TRPM3: variants seen among roughly 807,000 people sequenced by gnomAD.
The protein encoded by TRPM3 is transient receptor potential cation channel subfamily M member 3.
A neutral mutation model predicts 181.2 loss-of-function variants in TRPM3; 77 were observed. The ratio of observed to expected loss-of-function variants is 0.42; its 90% CI spans 0.35 to 0.51. The LOEUF is 0.51. Among genes scored for constraint, TRPM3 ranks in the 20% least tolerant of loss-of-function variants. The pLI, the probability that TRPM3 is intolerant of heterozygous loss-of-function variation, is 0.01. For missense variants in TRPM3, 1,759 were observed against 2,196.7 expected (o/e 0.80, Z 3.98); for synonymous variants, 745 against 796.4 (o/e 0.94, Z 1.09).
chr9:71,344,549 A>G (rs1314526826), intron 1 of TRPM3, among the ~76,000 whole-genome samples: 1 of 152,186 alleles, frequency 6.6e-6, no homozygotes, highest in Non-Finnish European at 1.5e-5. Flanking sequence ...TGACCTAAAA[A>G]TATCTCTCAC....
At chr9:71,280,469 C>G (rs530062688) in intron 1 of TRPM3, among the ~76,000 whole-genome samples, 1 of 151,838 alleles carries the variant, frequency 6.6e-6, no homozygotes, top group South Asian at 2.1e-4. Context: ...AAGTCAGCAC[C>G]CTTCCCCTTC....
Position 70,591,044 on chromosome 9 carries a change from C to G in TRPM3, c.3210G>C (p.Ala1070=). The change falls in exon 22 of 26, where the codon GCG becomes GCC. Residue 1070 remains alanine (A), a synonymous_variant. Coordinates refer to ENST00000677713, the MANE Select transcript of TRPM3 (RefSeq NM_001366145.2). Reference sequence around the variant, plus strand: ...AAACTTGCTTACGGTCTATCTGGTCCGCAAACACTTCCCCATAAATCATCC... The same window carrying G: ...AAACTTGCTTACGGTCTATCTGGTCGGCAAACACTTCCCCATAAATCATCC... ...PYWMIYGEVF[A]DQIDPPCGQN... is the part of the protein sequence containing the mutation. 2 of 1,614,110 alleles carry G rather than the reference C, an allele frequency of 1.2e-6. No individual in the cohort carries two copies. Among genetic ancestry groups the G allele is most frequent in the Non-Finnish European group, 1.7e-6 (2 of 1,180,022 alleles).
intron 22 of TRPM3, among the ~76,000 whole-genome samples, chr9:70,560,788 C>T (rs1358113681): frequency 6.6e-6 from 1 of 152,180 alleles, no homozygotes; most frequent in African/African-American, 2.4e-5. Context: ...TACGAGTACA[C>T]AGAACAGTTT....
At position 70,549,574 on chromosome 9, in the gene TRPM3, A is replaced by C; in HGVS notation, c.3675T>G (p.Ser1225=). The change falls in exon 25 of 26, where the codon TCT becomes TCG. Residue 1225 remains serine, a synonymous_variant. Coordinates refer to ENST00000677713, the MANE Select transcript of TRPM3 (RefSeq NM_001366145.2). ...AAGTCACCCGTATCCTCTCATCATT[A>C]GATGAGTTGAACCGATCATCCTTTT... is the stretch of plus-strand genomic sequence containing the variant. ...FREKDDRFNS[S]NDERIRVTSE... is the part of the protein sequence containing the mutation. 6.2e-7 allele frequency: 1 copy of C among 1,613,786 alleles called. No homozygotes were observed. The highest frequency in any genetic ancestry group is 1.1e-5 in the South Asian group (1 of 91,026).
intron 6 of TRPM3, among the ~76,000 whole-genome samples, chr9:70,802,206 C>CA (rs2089310217): frequency 6.6e-6 from 1 of 152,160 alleles, no homozygotes. Flanking sequence ...CAAATTAATG[C>CA]AAAAGTCCAT....
At position 70,794,698 on chromosome 9, in the gene TRPM3, G is replaced by A. The variant is rs1020561120; in HGVS notation, c.974-10419C>T. 2.0e-5 allele frequency among the ~76,000 whole-genome samples: 3 copies of A among 151,972 alleles called. No individual in the cohort carries two copies. The South Asian group carries it at 6.2e-4, about 32-fold the overall frequency. On this transcript the variant is annotated intron_variant, in intron 6 of 25. Transcript: ENST00000677713. ...CCCCATGTGCCTGCTGGCTCCCGTC[G>A]ACTCCCACTTTCCCTGATTCACTCT...
At chr9:71,258,167 G>T (rs1346552372) in intron 1 of TRPM3, among the ~76,000 whole-genome samples, 1 of 152,148 alleles carries the variant, frequency 6.6e-6, no homozygotes, top group African/African-American at 2.4e-5. Context: ...CCTCATTTAT[G>T]TACCAGGCTC....
At chr9:71,192,803 T>C (rs544237774) in intron 1 of TRPM3, among the ~76,000 whole-genome samples, 5 of 151,984 alleles carry the variant, frequency 3.3e-5, no homozygotes, top group African/African-American at 1.2e-4. Context: ...CTCATGCTTT[T>C]GGCGTCATAT....
intron 1 of TRPM3, among the ~76,000 whole-genome samples, chr9:71,040,957 G>A (rs2058742811): frequency 1.3e-5 from 2 of 152,122 alleles, no homozygotes; most frequent in South Asian, 2.1e-4. Context: ...TGAAGGAAAC[G>A]GAGGGGACGT....
At chr9:70,917,867 A>T (rs1403123172) in intron 1 of TRPM3, among the ~76,000 whole-genome samples, 2 of 152,186 alleles carry the variant, frequency 1.3e-5, no homozygotes, top group African/African-American at 2.4e-5. Flanking sequence ...ATGGATAAAA[A>T]AAACAAGATC....
chr9:70,989,944 C>A (rs977815212), intron 1 of TRPM3, among the ~76,000 whole-genome samples: 2 of 152,180 alleles, frequency 1.3e-5, no homozygotes, highest in Non-Finnish European at 2.9e-5. Flanking sequence ...CTTAGCCAGA[C>A]CCTATTGAGG....
At chr9:71,285,927 AT>A (rs2085244933) in intron 1 of TRPM3, among the ~76,000 whole-genome samples, 1 of 152,228 alleles carries the variant, frequency 6.6e-6, no homozygotes, top group Non-Finnish European at 1.5e-5. Context: ...AGGAAGACTT[AT>A]AATGTCACAG....
rs2094379444 is a variant in TRPM3, at chr9:70,837,180, C to T, written c.801+5823G>A. Among the ~76,000 whole-genome samples the T allele has an allele frequency of 3.3e-5, 5 of 152,174 alleles. No individual in the cohort carries two copies. In the South Asian group the frequency reaches 8.3e-4, roughly 25 times the overall value. On this transcript the variant is annotated intron_variant, in intron 5 of 25. Transcript: ENST00000677713. ...GCCAGGGCCACTCCTGGAAAGTTTT[C>T]TGAGCTTATAATATGAAGTCATATT...
chr9:71,029,668 T>C (rs1486375800), intron 1 of TRPM3, among the ~76,000 whole-genome samples: 1 of 152,124 alleles, frequency 6.6e-6, no homozygotes, highest in East Asian at 1.9e-4. Flanking sequence ...TTGAGAGTAG[T>C]CCTTCAGGCA....
chr9:70,792,898 C>G (rs2085868595), intron 6 of TRPM3, among the ~76,000 whole-genome samples: 1 of 152,024 alleles, frequency 6.6e-6, no homozygotes, highest in Admixed American at 6.6e-5. Flanking sequence ...AAAAATTCTA[C>G]TCAATTTTGT....
upstream of TRPM3, chr9:71,446,853 CG>C: frequency 6.5e-7 from 1 of 1,530,308 alleles, no homozygotes. Flanking sequence ...TCGCCTCCCT[CG>C]GCCGGGAAAC....
At chr9:70,888,462 T>C (rs1322122353) in intron 1 of TRPM3, among the ~76,000 whole-genome samples, 2 of 151,964 alleles carry the variant, frequency 1.3e-5, no homozygotes, top group Non-Finnish European at 2.9e-5. Context: ...TTACCAGATA[T>C]GTATTCTCCA....
chr9:70,929,123 GT>G (rs1260748830), intron 1 of TRPM3, among the ~76,000 whole-genome samples: 1 of 150,870 alleles, frequency 6.6e-6, no homozygotes, highest in Non-Finnish European at 1.5e-5. Context: ...TAGTTTCTTG[GT>G]TTATTCAGTT....
At chr9:71,210,052 A>C (rs1365541974) in intron 1 of TRPM3, among the ~76,000 whole-genome samples, 1 of 152,192 alleles carries the variant, frequency 6.6e-6, no homozygotes, top group Non-Finnish European at 1.5e-5. Context: ...GCACAGCAGG[A>C]GGTGAGCGTC....
Sources: gnomAD v4.1 joint callset for allele counts (sites outside exome capture counted in the v4.1 genomes callset) on GRCh38, gnomAD v4.1.1 for gene constraint, MANE v1.5 for transcripts, NCBI Gene and HGNC (gene_info 2026-07-23, HGNC 2026-07-21) for gene names.